The following NRG3 variants were observed in gnomAD, a reference collection of about 807,000 sequenced individuals.
NRG3 encodes neuregulin 3.
Under a neutral mutation model 66.9 loss-of-function variants are expected in NRG3, and 31 were observed. The ratio of observed to expected loss-of-function variants is 0.46; its 90% CI spans 0.35 to 0.63. The LOEUF is 0.63. NRG3 is among the 20% of genes least tolerant of loss of function. NRG3 has a pLI of 0.00. For missense variants in NRG3, 910 were observed against 878.9 expected, an observed-to-expected ratio of 1.04 and a Z score of -0.45; for synonymous variants, 393 against 359.4, an observed-to-expected ratio of 1.09 and a Z score of -1.06.
At chr10:82,231,933 C>A (rs892349569) in intron 1 of NRG3, among the ~76,000 whole-genome samples, 2 of 152,170 alleles carry the variant, frequency 1.3e-5, no homozygotes, top group African/African-American at 4.8e-5. Flanking sequence ...TAAGAAACTG[C>A]TTTCAACTTT....
At chr10:82,877,371 CTTTTTT>C (rs59994503) in intron 4 of NRG3, among the ~76,000 whole-genome samples, 3 of 78,996 alleles carry the variant, frequency 3.8e-5, no homozygotes, top group Admixed American at 1.6e-4. Context: ...ATAGGGCAGA[CTTTTTT>C]TTTTTTTTTT....
At chr10:82,869,512 A>C (rs894235887) in intron 4 of NRG3, among the ~76,000 whole-genome samples, 2 of 151,852 alleles carry the variant, frequency 1.3e-5, no homozygotes, top group South Asian at 4.1e-4. Context: ...TGCCCTAAAA[A>C]TCATTTGTGT....
rs187602099 is a variant in NRG3, at chr10:82,514,253, G to A, written c.953+155385G>A. Among the ~76,000 whole-genome samples the A allele has an allele frequency of 3.8e-3, 571 of 152,218 alleles. 5 individuals are homozygous for A. Among genetic ancestry groups the A allele is most frequent in the African/African-American group, 0.013 (559 of 41,556 alleles). The stretch of plus-strand genomic sequence containing the variant: ...TTGCTTTTGACATTTCTGTCATGAA[G>A]TCTTTGCCCATCTATGTCTTGAATG... On this transcript the variant is annotated intron_variant, in intron 2 of 8. Coordinates refer to ENST00000372141, the MANE Select transcript of NRG3 (RefSeq NM_001010848.4).
At chr10:82,366,542 T>C (rs577686221) in intron 2 of NRG3, among the ~76,000 whole-genome samples, 2 of 152,312 alleles carry the variant, frequency 1.3e-5, no homozygotes, top group African/African-American at 4.8e-5. Flanking sequence ...TAACGACTCT[T>C]CATGGGTTTA....
At chr10:82,205,763 G>A (rs911558825) in intron 1 of NRG3, among the ~76,000 whole-genome samples, 4 of 152,212 alleles carry the variant, frequency 2.6e-5, no homozygotes, top group East Asian at 1.9e-4. Context: ...ACTTCTTTCC[G>A]AACTTCAATT....
chr10:82,125,249 G>T (rs1474822761), intron 1 of NRG3, among the ~76,000 whole-genome samples: 1 of 151,918 alleles, frequency 6.6e-6, no homozygotes, highest in African/African-American at 2.4e-5. Context: ...AGCTGTGTCA[G>T]TGTGTGTGTT....
chr10:82,958,971 G>A lies in NRG3; in HGVS notation c.1180G>A (p.Glu394Lys), dbSNP rs756126172. 7 of 1,600,060 alleles carry A rather than the reference G, an allele frequency of 4.4e-6. No homozygotes were observed. The highest frequency in any genetic ancestry group is 2.7e-5 in the African/African-American group (2 of 74,046). The change falls in exon 6 of 9, where the codon GAG becomes AAG. Residue 394 changes from glutamate to lysine, a missense_variant. Physicochemically the swap from Glu to Lys is moderately conservative, Grantham distance 56. Coordinates refer to ENST00000372141, the MANE Select transcript of NRG3 (RefSeq NM_001010848.4). ...CAGGAAACAAGCTAAACAAATCCAA[G>A]AGCAGCTGAAAGTGCCACAAAATGG... Reference protein sequence around the residue: ...KSKKQAKQIQEQLKVPQNGKS... With the variant: ...KSKKQAKQIQKQLKVPQNGKS...
At chr10:82,870,059 G>A (rs1195652871) in intron 4 of NRG3, among the ~76,000 whole-genome samples, 14 of 135,834 alleles carry the variant, frequency 1.0e-4, no homozygotes, top group African/African-American at 2.3e-4. Context: ...TAGTAGAGAC[G>A]GGGTTTCACC....
At chr10:82,746,179 A>G (rs760094740) in intron 3 of NRG3, among the ~76,000 whole-genome samples, 22 of 152,144 alleles carry the variant, frequency 1.4e-4, no homozygotes, top group Non-Finnish European at 2.4e-4. Context: ...GGCTTGAGCC[A>G]CTGTGCCAGA....
At chr10:82,906,480 CA>C (rs1394785884) in intron 4 of NRG3, among the ~76,000 whole-genome samples, 2 of 151,890 alleles carry the variant, frequency 1.3e-5, no homozygotes, top group Non-Finnish European at 2.9e-5. Flanking sequence ...CATCTTTATC[CA>C]AAAAATATTT....
chr10:81,933,056 TGAGA>T (rs1847529218), intron 1 of NRG3, among the ~76,000 whole-genome samples: 1 of 142,854 alleles, frequency 7.0e-6, no homozygotes, highest in Non-Finnish European at 1.5e-5. Flanking sequence ...TGCAGTGAGC[TGAGA>T]TCGTGCCACT....
intron 3 of NRG3, among the ~76,000 whole-genome samples, chr10:82,785,508 G>C (rs911264387): frequency 6.6e-6 from 1 of 152,166 alleles, no homozygotes. Context: ...ACTCTGACAA[G>C]GTCTTAGTTG....
Position 82,189,587 on chromosome 10 carries a change from C to T in NRG3, c.824-169152C>T, listed in dbSNP as rs149878810. Among the ~76,000 whole-genome samples, 292 of 152,076 alleles carry T rather than the reference C, an allele frequency of 1.9e-3. 2 individuals carry two copies. The highest frequency in any genetic ancestry group is 6.4e-3 in the African/African-American group (267 of 41,496). On this transcript the variant is annotated intron_variant, in intron 1 of 8. Transcript: ENST00000372141. ...CGGGCAGATCACGAGGTTAGGAGTT[C>T]GAGACCAGTCTGGCCAGCGTGGTAA...
chr10:81,924,772 G>T (rs1056861609), intron 1 of NRG3, among the ~76,000 whole-genome samples: 2 of 152,190 alleles, frequency 1.3e-5, no homozygotes, highest in African/African-American at 4.8e-5. Flanking sequence ...AAGAAGGTCG[G>T]TCACTGGAGG....
chr10:82,816,920 T>C (rs764787817), intron 3 of NRG3, among the ~76,000 whole-genome samples: 9 of 152,190 alleles, frequency 5.9e-5, no homozygotes, highest in Non-Finnish European at 8.8e-5. Flanking sequence ...TGCCTGAGAG[T>C]GTTCCACTTT....
intron 2 of NRG3, among the ~76,000 whole-genome samples, chr10:82,721,999 G>A (rs1211817391): frequency 6.6e-6 from 1 of 151,578 alleles, no homozygotes; most frequent in Non-Finnish European, 1.5e-5. Flanking sequence ...CTAGCCAGTT[G>A]AATTGTGCTG....
At chr10:82,098,287 T>G (rs544792335) in intron 1 of NRG3, among the ~76,000 whole-genome samples, 14 of 151,418 alleles carry the variant, frequency 9.2e-5, no homozygotes, top group Admixed American at 9.2e-4. Context: ...TATATGTCAT[T>G]TATATATATG....
At chr10:82,796,987 GA>G (rs1213367028) in intron 3 of NRG3, among the ~76,000 whole-genome samples, 9 of 151,762 alleles carry the variant, frequency 5.9e-5, no homozygotes, top group Non-Finnish European at 8.8e-5. Flanking sequence ...AAGAAGCTAT[GA>G]AAAAAAGATG....
chr10:82,262,872 GTA>G (rs1432481337), intron 1 of NRG3, among the ~76,000 whole-genome samples: 9 of 152,102 alleles, frequency 5.9e-5, no homozygotes, highest in Non-Finnish European at 2.9e-5. Flanking sequence ...CTTGTCCAAA[GTA>G]TTCACCTAGG....
Sources: gnomAD v4.1 joint callset for allele counts (sites outside exome capture counted in the v4.1 genomes callset) on GRCh38, gnomAD v4.1.1 for gene constraint, MANE v1.5 for transcripts, NCBI Gene and HGNC (gene_info 2026-07-23, HGNC 2026-07-21) for gene names.